The following KHDRBS1 variants were observed in gnomAD, a reference collection of about 807,000 sequenced individuals.
KHDRBS1 encodes the protein KH domain-containing, RNA-binding, signal transduction-associated protein 1.
Under a neutral mutation model 48.4 loss-of-function variants are expected in KHDRBS1, and 7 were observed. The observed-to-expected ratio is 0.14, with a 90% CI of 0.08 to 0.27. KHDRBS1 has a LOEUF of 0.27. Among genes scored for constraint, KHDRBS1 ranks in the 10% least tolerant of loss-of-function variants. The pLI is 1.00. For missense variants in KHDRBS1, 458 were observed against 601.2 expected (o/e 0.76, Z 2.49); for synonymous variants, 241 against 235.8 (o/e 1.02, Z -0.20).
Position 32,013,879 on chromosome 1 carries a change from T to C in KHDRBS1, c.-117T>C. 1 of 983,218 alleles carries C rather than the reference T, an allele frequency of 1.0e-6. No individual in the cohort carries two copies. Among genetic ancestry groups the C allele is most frequent in the Non-Finnish European group, 1.3e-6 (1 of 742,044 alleles). 60.9% of individuals were successfully genotyped at this position (983,218 alleles called of 1,614,324 possible). On this transcript the variant is annotated 5_prime_UTR_variant, in exon 1 of 9. Coordinates refer to ENST00000327300, the MANE Select transcript of KHDRBS1 (RefSeq NM_006559.3). Reference sequence around the variant, plus strand: ...ATTTCCGGTGCTCTCTCTCGCTGGGTCGCTCGGGTCGGCTTCGGTCGCTAC... The same window carrying C: ...ATTTCCGGTGCTCTCTCTCGCTGGGCCGCTCGGGTCGGCTTCGGTCGCTAC...
downstream of KHDRBS1, among the ~76,000 whole-genome samples, chr1:32,048,687 T>G (rs1639383054): frequency 6.6e-6 from 1 of 152,156 alleles, no homozygotes; most frequent in African/African-American, 2.4e-5. Context: ...TGGCGGAATT[T>G]TAAAATAACA....
intron 10 of KHDRBS1, among the ~76,000 whole-genome samples, chr1:32,058,047 G>A (rs1314420369): frequency 6.6e-6 from 1 of 151,710 alleles, no homozygotes; most frequent in Non-Finnish European, 1.5e-5. Context: ...GAACCCAGGA[G>A]GCGGAGGTAG....
chr1:32,054,615 G>T (rs1639459408), intron 10 of KHDRBS1: 1 of 152,160 alleles, frequency 6.6e-6, no homozygotes. Flanking sequence ...AGTCCTCAAT[G>T]GATGAGGTCC....
At chr1:32,025,927 A>ATATATT (rs1553222311) in intron 1 of KHDRBS1, among the ~76,000 whole-genome samples, 5 of 146,516 alleles carry the variant, frequency 3.4e-5, no homozygotes, top group African/African-American at 1.3e-4. Context: ...ATATATATAT[A>ATATATT]TATTTATTTA....
chr1:32,055,200 A>G (rs1197668532), intron 10 of KHDRBS1, among the ~76,000 whole-genome samples: 1 of 152,186 alleles, frequency 6.6e-6, no homozygotes, highest in Non-Finnish European at 1.5e-5. Flanking sequence ...CGGTAATCCC[A>G]GCACTTTGGG....
At chr1:32,015,956 T>C (rs1230587141) in intron 1 of KHDRBS1, among the ~76,000 whole-genome samples, 1 of 151,994 alleles carries the variant, frequency 6.6e-6, no homozygotes, top group Non-Finnish European at 1.5e-5. Context: ...CGAGACGGGC[T>C]GATCGCGAGG....
rs889634039 is a variant in KHDRBS1 at position 32,043,301 on chromosome 1, A to G, written c.*677A>G. 4 of 152,544 alleles carry G rather than the reference A, an allele frequency of 2.6e-5. No individual in the cohort carries two copies. The highest frequency in any genetic ancestry group is 5.9e-5 in the Non-Finnish European group (4 of 68,014). 9.4% of individuals were successfully genotyped at this position (152,544 alleles called of 1,614,324 possible). On this transcript the variant is annotated 3_prime_UTR_variant, in exon 9 of 9. Transcript: ENST00000327300. ...TTGATATAAAAAAAAAAACAACAAA[A>G]TTAGGCTTGTAAAACTGACTTTTTC... is the stretch of plus-strand genomic sequence containing the variant.
At position 32,021,226 on chromosome 1, in the gene KHDRBS1, A is replaced by G. The variant is rs552301253; in HGVS notation, c.382+6849A>G. ...AGAGTTTTCTACTGTCCTGGAATGT[A>G]AAAATTGAGCCCATATGAAAGGGCT... On this transcript the variant is annotated intron_variant, in intron 1 of 8. Coordinates refer to ENST00000327300, the MANE Select transcript of KHDRBS1 (RefSeq NM_006559.3). 1.1e-4 allele frequency among the ~76,000 whole-genome samples: 17 copies of G among 152,250 alleles called. No individual in the cohort carries two copies. In the South Asian group the frequency reaches 3.5e-3, roughly 32 times the overall value.
At position 32,031,504 on chromosome 1, in the gene KHDRBS1, A is replaced by G; in HGVS notation, c.508-20A>G. 2 of 1,445,210 alleles carry G rather than the reference A, an allele frequency of 1.4e-6. No homozygotes were observed. The highest frequency in any genetic ancestry group is 1.9e-6 in the Non-Finnish European group (2 of 1,048,066). The allele number at this position is 1,445,210 out of a possible 1,614,324, so 89.5% of individuals were successfully genotyped here. A position where few individuals can be genotyped will look rare whatever the true frequency, so the allele number is the denominator to read the frequency against. On this transcript the variant is annotated intron_variant, in intron 2 of 8. Transcript: ENST00000327300. ...TTATATAGTAGCATGTATATTTAGA[A>G]ATCCTCTATTTTCTGTCAGTTCAAT...
At chr1:32,034,854 G>A (rs1175902894) in intron 4 of KHDRBS1, among the ~76,000 whole-genome samples, 5 of 151,888 alleles carry the variant, frequency 3.3e-5, no homozygotes, top group Non-Finnish European at 7.4e-5. Flanking sequence ...GGTGGCAGGC[G>A]CCTGTAGTCC....
intron 5 of KHDRBS1, 77 bp from the exon 6 acceptor site, chr1:32,037,758 G>T: frequency 6.6e-7 from 1 of 1,525,110 alleles, no homozygotes; most frequent in Non-Finnish European, 9.0e-7. Flanking sequence ...CCTAATTCCA[G>T]AATTTGTAAA....
intron 10 of KHDRBS1, among the ~76,000 whole-genome samples, chr1:32,056,062 T>C (rs1330491202): frequency 6.6e-6 from 1 of 152,210 alleles, no homozygotes. Flanking sequence ...GTGAATTTCA[T>C]AGCCGTGCTG....
At chr1:32,028,525 CAG>C (rs1388096626) in intron 1 of KHDRBS1, among the ~76,000 whole-genome samples, 2 of 115,622 alleles carry the variant, frequency 1.7e-5, no homozygotes, top group African/African-American at 7.0e-5. Flanking sequence ...TTTTTTGAGA[CAG>C]AGTCTCGCTC....
rs577439542 is a variant in KHDRBS1 at position 32,025,927 on chromosome 1, ATATT to A, written c.383-4345_383-4342del. 2.4e-4 allele frequency among the ~76,000 whole-genome samples: 35 copies of A among 146,538 alleles called. 1 individual carries two copies. Among genetic ancestry groups the A allele is most frequent in the South Asian group, 2.3e-3 (11 of 4,684 alleles). On this transcript the variant is annotated intron_variant, in intron 1 of 8. Coordinates refer to ENST00000327300, the MANE Select transcript of KHDRBS1 (RefSeq NM_006559.3). ...ACCCAGCTAATTTAAATATATATAT[ATATT>A]TATTTATTTATTTATTTATTTATTT...
chr1:32,025,513 C>A (rs901171058), intron 1 of KHDRBS1, among the ~76,000 whole-genome samples: 7 of 151,032 alleles, frequency 4.6e-5, no homozygotes, highest in African/African-American at 1.7e-4. Flanking sequence ...ATTGGTCAGG[C>A]TGGTCTCGAA....
intron 1 of KHDRBS1, among the ~76,000 whole-genome samples, chr1:32,022,618 C>T (rs1188499247): frequency 1.3e-5 from 2 of 151,952 alleles, no homozygotes; most frequent in Non-Finnish European, 2.9e-5. Flanking sequence ...TGGCCGGGCG[C>T]GGTGGCTCAC....
chr1:32,027,085 G>A (rs1363333043), intron 1 of KHDRBS1, among the ~76,000 whole-genome samples: 5 of 151,436 alleles, frequency 3.3e-5, no homozygotes, highest in East Asian at 3.9e-4. Flanking sequence ...GTGAGCCAAC[G>A]CGCCCGGTCT....
intron 1 of KHDRBS1, among the ~76,000 whole-genome samples, chr1:32,024,486 A>T (rs979385397): frequency 1.2e-4 from 17 of 141,846 alleles, no homozygotes; most frequent in East Asian, 2.1e-4. Context: ...AATTTAATTT[A>T]TTTTTTTTTT....
In KHDRBS1 at chr1:32,037,090, T is replaced by C. The variant is rs1405654228; in HGVS notation, c.905+47T>C. 6 of 1,593,764 alleles carry C rather than the reference T, an allele frequency of 3.8e-6. No homozygotes were observed. In the South Asian group the frequency reaches 5.6e-5, roughly 15 times the overall value. On this transcript the variant is annotated intron_variant, in intron 5 of 8. Transcript: ENST00000327300. The stretch of plus-strand genomic sequence containing the variant: ...AGAAATAGGATGTGAATTTGACTAC[T>C]AGTGTCATCTCTTTTAGTGGTGCTC...
Sources: allele counts gnomAD v4.1 joint callset (sites outside exome capture counted in the v4.1 genomes callset), GRCh38; gene constraint gnomAD v4.1.1; transcripts MANE v1.5; gene names NCBI Gene and HGNC (gene_info 2026-07-23, HGNC 2026-07-21).